CNOT1: variants seen among roughly 807,000 people sequenced by gnomAD.
CNOT1 encodes the protein CCR4-associated factor 1.
In CNOT1, 15 loss-of-function variants were observed where a neutral mutation model predicts 273.8. That is an observed-to-expected ratio of 0.05 (90% CI 0.04 to 0.08). CNOT1 has a LOEUF of 0.08. Ranked by LOEUF, CNOT1 falls within the 10% of genes least tolerant of loss-of-function variation. CNOT1 has a pLI of 1.00. For missense variants in CNOT1, 1,644 were observed against 2,912.2 expected, an observed-to-expected ratio of 0.56 and a Z score of 10.02; for synonymous variants, 1,022 against 1,005.5, an observed-to-expected ratio of 1.02 and a Z score of -0.31.
chr16:58,577,197 A>G (rs756857508), intron 13 of CNOT1, among the ~76,000 whole-genome samples: 2 of 152,124 alleles, frequency 1.3e-5, no homozygotes, highest in African/African-American at 2.4e-5. Context: ...CAGCAAGACC[A>G]CTACTATTGC....
chr16:58,578,583 A>C, intron 13 of CNOT1, 116 bp downstream of exon 13: 3 of 1,471,274 alleles, frequency 2.0e-6, no homozygotes, highest in Non-Finnish European at 2.7e-6. Context: ...TATGACTTTT[A>C]AAGTCATAAT....
chr16:58,525,179 C>T lies in CNOT1; in HGVS notation c.6784G>A (p.Gly2262Ser), dbSNP rs1326951840. 6.2e-7 allele frequency: 1 copy of T among 1,612,968 alleles called. No homozygotes were observed. The change falls in exon 46 of 49, where the codon GGT (glycine) becomes AGT (serine). Residue 2262 changes from glycine to serine, a missense_variant and splice_region_variant. Physicochemically the swap from Gly to Ser is moderately conservative, Grantham distance 56. This residue lies in a region of CNOT1 where 140 missense variants were observed against 324.6 expected (regional missense o/e 0.43). Coordinates refer to ENST00000317147, the MANE Select transcript of CNOT1 (RefSeq NM_016284.5). ...QNLAVDLDTE[G>S]RYLFLNAIAN... Reference sequence around the variant, plus strand: ...CTGAAAACTGGCAGGCTTCACTCACCCTCAGTGTCCAAGTCCACAGCCAAA... The same window carrying T: ...CTGAAAACTGGCAGGCTTCACTCACTCTCAGTGTCCAAGTCCACAGCCAAA...
chr16:58,567,383 G>A (rs909958488), intron 16 of CNOT1, among the ~76,000 whole-genome samples: 7 of 151,944 alleles, frequency 4.6e-5, no homozygotes, highest in African/African-American at 9.7e-5. Context: ...AGCGCTTTCG[G>A]AAGCCAAGGC....
intron 16 of CNOT1, among the ~76,000 whole-genome samples, chr16:58,566,137 A>C (rs2041034460): frequency 1.3e-5 from 2 of 152,298 alleles, no homozygotes; most frequent in Admixed American, 1.3e-4. Flanking sequence ...ATGGTATCTG[A>C]CAGGTTTTTC....
chr16:58,528,700 C>G, intron 43 of CNOT1, 52 bp from the exon 44 acceptor site: 1 of 1,348,052 alleles, frequency 7.4e-7, no homozygotes, highest in Non-Finnish European at 1.0e-6. Context: ...AATGGAGTAA[C>G]ATTTTCCTAT....
intron 27 of CNOT1, among the ~76,000 whole-genome samples, chr16:58,546,985 A>C (rs1296863542): frequency 6.6e-6 from 1 of 152,222 alleles, no homozygotes; most frequent in Non-Finnish European, 1.5e-5. Flanking sequence ...AAAACAAAAC[A>C]AAAAACCAAA....
Position 58,575,062 on chromosome 16 carries a change from C to T in CNOT1, c.1772G>A (p.Arg591His). Residue 591 changes from arginine to histidine, a missense_variant, in exon 15 of 49, where the codon CGT becomes CAT. Physicochemically the swap from Arg to His is conservative, Grantham distance 29 (BLOSUM62 0). This residue lies in a region of CNOT1 where 706 missense variants were observed against 1,021.2 expected (regional missense o/e 0.69). Transcript: ENST00000317147. ...CTTATCAAGTTTGAGGTATTCACGA[C>T]GTGAAGCAAGTGCAGCAAGGTCAAT... is the stretch of plus-strand genomic sequence containing the variant. ...FVIDLAALAS[R>H]REYLKLDKWL... is the part of the protein sequence containing the mutation. 2 of 1,614,078 alleles carry T rather than the reference C, an allele frequency of 1.2e-6. No individual in the cohort carries two copies. Among genetic ancestry groups the T allele is most frequent in the Non-Finnish European group, 1.7e-6 (2 of 1,180,020 alleles).
chr16:58,541,536 T>G lies in CNOT1; in HGVS notation c.4765A>C (p.Ser1589Arg). Residue 1589 changes from serine to arginine, a missense_variant, in exon 34 of 49, where the codon AGT becomes CGT. Around this residue, in one of 13 missense-constraint regions of CNOT1, gnomAD observed 170 missense variants for 273.1 expected, o/e 0.62. Transcript: ENST00000317147. Reference sequence around the variant, plus strand: ...TGGGCTAAAAATCCCGTGGGCTGACTTAAGTCATTTGTAGGTAAGAAGCCA... The same window carrying G: ...TGGGCTAAAAATCCCGTGGGCTGACGTAAGTCATTTGTAGGTAAGAAGCCA... ...VPGFLPTNDL[S>R]QPTGFLAQPM... 1.2e-6 allele frequency: 2 copies of G among 1,614,044 alleles called. No homozygotes were observed. The highest frequency in any genetic ancestry group is 1.7e-6 in the Non-Finnish European group (2 of 1,179,906).
chr16:58,629,126 C>T (rs1643105915), intron 1 of CNOT1, among the ~76,000 whole-genome samples: 1 of 152,274 alleles, frequency 6.6e-6, no homozygotes, highest in African/African-American at 2.4e-5. Flanking sequence ...GAAGTGCTTG[C>T]TCCCGCCCGC....
At chr16:58,560,506 C>A (rs1313677495) in intron 16 of CNOT1, 144 bp from the exon 17 acceptor site, 2 of 1,386,756 alleles carry the variant, frequency 1.4e-6, no homozygotes, top group East Asian at 5.1e-5. Context: ...GATATCAATT[C>A]ACTGCAACCT....
intron 1 of CNOT1, among the ~76,000 whole-genome samples, chr16:58,607,674 C>T (rs997820938): frequency 2.3e-5 from 3 of 130,192 alleles, no homozygotes; most frequent in Non-Finnish European, 3.1e-5. Context: ...TTGCAGTGAG[C>T]GGAGATCATG....
rs552232330 is a variant in CNOT1, at chr16:58,522,713, C to T, written c.6917+657G>A. 2.0e-5 allele frequency among the ~76,000 whole-genome samples: 3 copies of T among 152,354 alleles called. No homozygotes were observed. The South Asian group carries it at 6.2e-4, about 32-fold the overall frequency. The stretch of plus-strand genomic sequence containing the variant: ...ATGAGGAAAAGTCCAAGTTCCTTAA[C>T]ATAGACTTCATAGGCCTGCATGATT... On this transcript the variant is annotated intron_variant, in intron 47 of 48. Transcript: ENST00000317147.
At position 58,547,800 on chromosome 16, in the gene CNOT1, G is replaced by A. The variant is rs1212359456; in HGVS notation, c.3523-118C>T. 1.1e-6 allele frequency: 1 copy of A among 951,480 alleles called. No homozygotes were observed. Among genetic ancestry groups the A allele is most frequent in the East Asian group, 2.7e-5 (1 of 37,234 alleles). The allele number at this position is 951,480 out of a possible 1,614,324, so 58.9% of individuals were successfully genotyped here. A position where few individuals can be genotyped will look rare whatever the true frequency, so the allele number is the denominator to read the frequency against. On this transcript the variant is annotated intron_variant, in intron 25 of 48. Transcript: ENST00000317147. The surrounding 1 kb of genome is among the most constrained non-coding windows in gnomAD (Gnocchi z 4.0). ...GACAAGTCATCATTTCTAAGAACAG[G>A]CCCCAAAGTAGAATTACTCTGTATA...
Position 58,562,518 on chromosome 16 carries a change from TA to T in CNOT1, c.1980-2157del, listed in dbSNP as rs200060446. ...GACCCTGTCTCTAAAAAAAATAAAT[TA>T]AAAAAAAAAGCGGCGGGGGGGCGGC... On this transcript the variant is annotated intron_variant, in intron 16 of 48. Coordinates refer to ENST00000317147, the MANE Select transcript of CNOT1 (RefSeq NM_016284.5). Among the ~76,000 whole-genome samples the T allele has an allele frequency of 3.5e-3, 398 of 114,596 alleles. 7 individuals carry two copies. In the East Asian group the frequency reaches 0.11, roughly 32 times the overall value. 75.2% of individuals were successfully genotyped at this position (114,596 alleles called of 152,430 possible).
chr16:58,560,460 T>C lies in CNOT1; in HGVS notation c.1980-98A>G. 7 of 1,479,514 alleles carry C rather than the reference T, an allele frequency of 4.7e-6. No homozygotes were observed. In the South Asian group the frequency reaches 9.9e-5, roughly 21 times the overall value. 91.6% of individuals were successfully genotyped at this position (1,479,514 alleles called of 1,614,324 possible). A position where few individuals can be genotyped will look rare whatever the true frequency, so the allele number is the denominator to read the frequency against. ...GATTTTTTTTTTTTTTAAGATGGAG[T>C]CTCACTCTGTCACCCAGACTGGAGT... On this transcript the variant is annotated intron_variant, in intron 16 of 48. Coordinates refer to ENST00000317147, the MANE Select transcript of CNOT1 (RefSeq NM_016284.5).
At chr16:58,523,344 A>AT in intron 47 of CNOT1, 26 bp downstream of exon 47, 1 of 1,561,916 alleles carries the variant, frequency 6.4e-7, no homozygotes. Flanking sequence ...CTTTTGAAGC[A>AT]TTTAAAAAAT....
At chr16:58,621,772 A>C (rs1297003324) in intron 1 of CNOT1, among the ~76,000 whole-genome samples, 1 of 146,982 alleles carries the variant, frequency 6.8e-6, no homozygotes, top group African/African-American at 2.5e-5. Flanking sequence ...ACAAAAAACA[A>C]ATTAGCCGGG....
rs745810450 is a variant in CNOT1 at position 58,538,931 on chromosome 16, G to A, written c.4993-17C>T. ...CTCTACAGCCTATGGGAGAAAGAAA[G>A]CGTTCAAAACCATGAAAAATACAGT... On this transcript the variant is annotated splice_polypyrimidine_tract_variant and intron_variant, in intron 35 of 48. Transcript: ENST00000317147. 3.1e-6 allele frequency: 5 copies of A among 1,608,168 alleles called. No individual in the cohort carries two copies. Among genetic ancestry groups the A allele is most frequent in the Non-Finnish European group, 8.5e-7 (1 of 1,177,968 alleles).
Position 58,538,234 on chromosome 16 carries a change from T to C in CNOT1, c.5168A>G (p.Tyr1723Cys). 1 of 1,419,088 alleles carries C rather than the reference T, an allele frequency of 7.0e-7. No individual in the cohort carries two copies. Among genetic ancestry groups the C allele is most frequent in the Non-Finnish European group, 1.0e-6 (1 of 1,002,018 alleles). 87.9% of individuals were successfully genotyped at this position (1,419,088 alleles called of 1,614,324 possible). A position where few individuals can be genotyped will look rare whatever the true frequency, so the allele number is the denominator to read the frequency against. ...TAGCAGCTCCACAGCCTCCACATTA[T>C]ATTTATATTCATCTCGACATTCAAT... is the stretch of plus-strand genomic sequence containing the variant. ...CLIECRDEYK[Y>C]NVEAVELLIR... The change falls in exon 37 of 49, where the codon TAT becomes TGT. Residue 1723 changes from tyrosine to cysteine, a missense_variant. Tyr to Cys is a radical substitution (Grantham distance 194). Coordinates refer to ENST00000317147, the MANE Select transcript of CNOT1 (RefSeq NM_016284.5).
Sources: allele counts gnomAD v4.1 joint callset (sites outside exome capture counted in the v4.1 genomes callset), GRCh38; gene constraint gnomAD v4.1.1; regional missense constraint gnomAD v4.1.1; non-coding constraint Gnocchi (gnomAD v3.1); transcripts MANE v1.5; gene names NCBI Gene and HGNC (gene_info 2026-07-23, HGNC 2026-07-21).